The following ATG10 variants were observed in gnomAD, a reference collection of about 807,000 sequenced individuals.
The protein encoded by ATG10 is ubiquitin-like-conjugating enzyme ATG10.
A neutral mutation model predicts 32.1 loss-of-function variants in ATG10; 30 were observed. The observed-to-expected ratio is 0.94, with a 90% confidence interval of 0.70 to 1.27. ATG10 has a LOEUF of 1.27. Among genes scored for constraint, ATG10 ranks in the 50% most tolerant of loss-of-function variants. The pLI, the probability that ATG10 is intolerant of heterozygous loss-of-function variation, is 0.00. For synonymous variants in ATG10, 87 were observed against 91.5 expected (o/e 0.95, Z 0.28); for missense variants, 233 against 262.3 (o/e 0.89, Z 0.77).
At chr5:82,029,973 G>T (rs1762700087) in intron 2 of ATG10, among the ~76,000 whole-genome samples, 1 of 152,178 alleles carries the variant, frequency 6.6e-6, no homozygotes, top group Non-Finnish European at 1.5e-5. Context: ...ATTGGTGGCA[G>T]AGTTGGATAT....
intron 5 of ATG10, among the ~76,000 whole-genome samples, 193 bp from the exon 6 acceptor site, chr5:82,252,369 T>C (rs1747288525): frequency 6.6e-6 from 1 of 152,240 alleles, no homozygotes; most frequent in Non-Finnish European, 1.5e-5. Flanking sequence ...TATCAATGAA[T>C]AGTCCTTTCT....
intron 3 of ATG10, among the ~76,000 whole-genome samples, chr5:82,084,585 A>C (rs1427307226): frequency 6.6e-6 from 1 of 152,208 alleles, no homozygotes; most frequent in Non-Finnish European, 1.5e-5. Flanking sequence ...CCAGAGAGAA[A>C]GGTCGGGTTA....
At chr5:82,006,965 T>C (rs984675165) in intron 2 of ATG10, among the ~76,000 whole-genome samples, 1 of 152,154 alleles carries the variant, frequency 6.6e-6, no homozygotes, top group Non-Finnish European at 1.5e-5. Context: ...GTGATTCTCC[T>C]GCCTCAGCCT....
intron 3 of ATG10, among the ~76,000 whole-genome samples, chr5:82,123,764 C>CA (rs1178883742): frequency 0.17 from 9,583 of 56,806 alleles, 862 homozygotes; most frequent in African/African-American, 0.34. Context: ...ACTGTCTGTA[C>CA]AAAAAAAAAA....
chr5:82,195,932 A>C (rs768037501), intron 5 of ATG10, among the ~76,000 whole-genome samples: 1 of 152,202 alleles, frequency 6.6e-6, no homozygotes, highest in Non-Finnish European at 1.5e-5. Flanking sequence ...TAGTAACACT[A>C]TGATTTAATT....
rs919065776 is a variant in ATG10, at chr5:81,993,678, G to A, written c.108+6000G>A. Among the ~76,000 whole-genome samples, 21 of 151,882 alleles carry A rather than the reference G, an allele frequency of 1.4e-4. No homozygotes were observed. In the East Asian group the frequency reaches 2.5e-3, roughly 18 times the overall value. ...CCTGACCTCGTGATCCGCCTGCCTT[G>A]GCTTCCCAAAGTACTGGGATTACAG... On this transcript the variant is annotated intron_variant, in intron 2 of 7. Coordinates refer to ENST00000282185, the MANE Select transcript of ATG10 (RefSeq NM_031482.5).
intron 3 of ATG10, among the ~76,000 whole-genome samples, chr5:82,099,541 T>G (rs1012385964): frequency 2.0e-5 from 3 of 152,158 alleles, no homozygotes; most frequent in African/African-American, 7.2e-5. Flanking sequence ...GAAGGTAATA[T>G]CCAATGTTTG....
At chr5:82,217,810 CA>C (rs869258898) in intron 5 of ATG10, among the ~76,000 whole-genome samples, 2,216 of 127,952 alleles carry the variant, frequency 0.017, 17 homozygotes, top group African/African-American at 0.039. Flanking sequence ...CCCTCTCTAC[CA>C]AAAAAAAAAA....
intron 3 of ATG10, among the ~76,000 whole-genome samples, chr5:82,086,579 AG>A (rs911581038): frequency 1.3e-5 from 2 of 152,106 alleles, no homozygotes; most frequent in African/African-American, 4.8e-5. Context: ...TGGACTTCTT[AG>A]CTGTGGTCTT....
At chr5:82,102,665 C>A (rs1199363076) in intron 3 of ATG10, among the ~76,000 whole-genome samples, 1 of 152,112 alleles carries the variant, frequency 6.6e-6, no homozygotes, top group Non-Finnish European at 1.5e-5. Flanking sequence ...TCTTCCAATA[C>A]ATAAAAAGAC....
intron 5 of ATG10, among the ~76,000 whole-genome samples, chr5:82,240,878 T>A (rs1746761580): frequency 2.0e-5 from 3 of 152,036 alleles, no homozygotes; most frequent in Admixed American, 2.0e-4. Flanking sequence ...CATTGCCAAG[T>A]CATCATGAAC....
At chr5:82,194,513 G>A (rs1406777469) in intron 5 of ATG10, among the ~76,000 whole-genome samples, 6 of 152,010 alleles carry the variant, frequency 3.9e-5, no homozygotes, top group Non-Finnish European at 5.9e-5. Flanking sequence ...GAGAGTTATC[G>A]GGAATATGTA....
At chr5:82,061,439 G>T (rs1277009678) in intron 3 of ATG10, among the ~76,000 whole-genome samples, 1 of 149,442 alleles carries the variant, frequency 6.7e-6, no homozygotes, top group Non-Finnish European at 1.5e-5. Context: ...TCTCCTTCTT[G>T]GTACTCCTCA....
At chr5:82,186,483 A>G (rs1404166205) in intron 5 of ATG10, among the ~76,000 whole-genome samples, 1 of 152,020 alleles carries the variant, frequency 6.6e-6, no homozygotes, top group African/African-American at 2.4e-5. Flanking sequence ...CTCTGTCTCT[A>G]CTAGCAATTA....
chr5:82,083,402 G>A (rs1315146348), intron 3 of ATG10, among the ~76,000 whole-genome samples: 2 of 152,206 alleles, frequency 1.3e-5, no homozygotes, highest in East Asian at 3.8e-4. Context: ...CCACTTCTGG[G>A]GGAAGGGCAT....
intron 5 of ATG10, among the ~76,000 whole-genome samples, chr5:82,238,263 C>T (rs1358603078): frequency 1.3e-5 from 2 of 152,260 alleles, no homozygotes; most frequent in East Asian, 1.9e-4. Flanking sequence ...GCCTTCCCTC[C>T]GAATGGTGAA....
At chr5:82,230,705 C>G (rs989065210) in intron 5 of ATG10, among the ~76,000 whole-genome samples, 2 of 135,128 alleles carry the variant, frequency 1.5e-5, no homozygotes, top group African/African-American at 5.8e-5. Flanking sequence ...TGCATTCCAG[C>G]CTGGGCAACA....
chr5:81,997,313 C>A (rs1172067832), intron 2 of ATG10, among the ~76,000 whole-genome samples: 1 of 152,124 alleles, frequency 6.6e-6, no homozygotes, highest in African/African-American at 2.4e-5. Flanking sequence ...CCTTGTGGGG[C>A]CAGAGAACAA....
chr5:82,079,583 T>G (rs1764403057), intron 3 of ATG10, among the ~76,000 whole-genome samples: 1 of 152,130 alleles, frequency 6.6e-6, no homozygotes, highest in Non-Finnish European at 1.5e-5. Context: ...TTCTCATTGT[T>G]CAATTCCCAC....
Sources: gnomAD v4.1 joint callset for allele counts (sites outside exome capture counted in the v4.1 genomes callset) on GRCh38, gnomAD v4.1.1 for gene constraint, MANE v1.5 for transcripts, NCBI Gene and HGNC (gene_info 2026-07-23, HGNC 2026-07-21) for gene names.